Variants in DGKB observed in about 807,000 individuals in gnomAD.
DGKB encodes 90 kDa diacylglycerol kinase.
Under a neutral mutation model 114.3 loss-of-function variants are expected in DGKB, and 67 were observed. That is an observed-to-expected ratio of 0.59 (90% CI 0.48 to 0.72). DGKB has a LOEUF of 0.72. Among genes scored for constraint, DGKB ranks in the 30% least tolerant of loss-of-function variants. The pLI, the probability that DGKB is intolerant of heterozygous loss-of-function variation, is 0.00. For missense variants in DGKB, 907 were observed against 975.2 expected (o/e 0.93, Z 0.93); for synonymous variants, 398 against 323.1 (o/e 1.23, Z -2.49).
At chr7:14,365,939 C>A (rs1816602763) in intron 21 of DGKB, among the ~76,000 whole-genome samples, 1 of 152,018 alleles carries the variant, frequency 6.6e-6, no homozygotes, top group African/African-American at 2.4e-5. Context: ...CAGGTGTGAA[C>A]CGTCTGCCCT....
intron 20 of DGKB, among the ~76,000 whole-genome samples, chr7:14,546,568 G>T (rs1413601311): frequency 6.6e-6 from 1 of 152,078 alleles, no homozygotes; most frequent in Non-Finnish European, 1.5e-5. Context: ...GGTTTTTCTG[G>T]TGGAACTGGA....
At chr7:14,942,325 G>A (rs1480140952) in intron 1 of DGKB, among the ~76,000 whole-genome samples, 1 of 151,704 alleles carries the variant, frequency 6.6e-6, no homozygotes, top group Non-Finnish European at 1.5e-5. Flanking sequence ...TTCTCTTTTA[G>A]GCTGGTTTAA....
chr7:14,716,377 C>A (rs2128344146), intron 6 of DGKB, among the ~76,000 whole-genome samples: 1 of 152,312 alleles, frequency 6.6e-6, no homozygotes, highest in South Asian at 2.1e-4. Context: ...AATCAAATTT[C>A]TTTCTGCTTA....
At chr7:14,942,276 A>T (rs540896966) in intron 1 of DGKB, among the ~76,000 whole-genome samples, 3 of 152,114 alleles carry the variant, frequency 2.0e-5, no homozygotes, top group Non-Finnish European at 4.4e-5. Context: ...CCTTTTCAAA[A>T]GAAAAAGAGG....
chr7:14,679,486 A>G (rs1446790262), intron 12 of DGKB, among the ~76,000 whole-genome samples: 1 of 152,066 alleles, frequency 6.6e-6, no homozygotes, highest in African/African-American at 2.4e-5. Context: ...CAGTCAAATC[A>G]TTTCCAAAAG....
chr7:14,203,370 T>C (rs1054295508), intron 23 of DGKB, among the ~76,000 whole-genome samples: 1 of 152,118 alleles, frequency 6.6e-6, no homozygotes, highest in Admixed American at 6.6e-5. Flanking sequence ...ATATATATTT[T>C]GTTTTCTTCT....
At chr7:14,922,954 T>C (rs1300778991) in intron 1 of DGKB, among the ~76,000 whole-genome samples, 1 of 152,186 alleles carries the variant, frequency 6.6e-6, no homozygotes, top group East Asian at 1.9e-4. Flanking sequence ...CTAAAATATA[T>C]TCCTTCAGTC....
intron 1 of DGKB, among the ~76,000 whole-genome samples, chr7:14,969,053 G>C (rs963395561): frequency 1.2e-4 from 18 of 152,220 alleles, no homozygotes; most frequent in Middle Eastern, 3.4e-3. Flanking sequence ...TATGCTATTT[G>C]TAAAAGAGTT....
At chr7:14,756,272 C>A (rs1214208314) in intron 3 of DGKB, among the ~76,000 whole-genome samples, 1 of 151,902 alleles carries the variant, frequency 6.6e-6, no homozygotes, top group African/African-American at 2.4e-5. Flanking sequence ...TGTCTTATAG[C>A]AATTCAGTGC....
chr7:14,151,228 G>A (rs899476220), intron 25 of DGKB, among the ~76,000 whole-genome samples: 3 of 151,898 alleles, frequency 2.0e-5, no homozygotes, highest in Middle Eastern at 6.8e-3. Flanking sequence ...TGCTTTACAC[G>A]GTATAATAGC....
At chr7:14,386,466 T>A (rs1583564694) in intron 21 of DGKB, among the ~76,000 whole-genome samples, 1 of 152,288 alleles carries the variant, frequency 6.6e-6, no homozygotes, top group African/African-American at 2.4e-5. Flanking sequence ...TATGTATAAC[T>A]CCCTTCTAAT....
intron 13 of DGKB, among the ~76,000 whole-genome samples, chr7:14,653,540 G>T (rs1815085271): frequency 6.6e-6 from 1 of 151,940 alleles, no homozygotes; most frequent in Non-Finnish European, 1.5e-5. Context: ...AGCATCGGGA[G>T]ATATACCTAA....
intron 1 of DGKB, among the ~76,000 whole-genome samples, chr7:14,918,371 G>T (rs183898373): frequency 6.6e-6 from 1 of 152,154 alleles, no homozygotes; most frequent in Admixed American, 6.5e-5. Context: ...ACAAACAAAG[G>T]AAAAGCTTCC....
intron 21 of DGKB, among the ~76,000 whole-genome samples, chr7:14,435,199 C>T (rs10268451): frequency 0.027 from 4,076 of 152,156 alleles, 202 homozygotes; most frequent in African/African-American, 0.092. Flanking sequence ...AAGCATTGCT[C>T]TCACTTGTTT....
intron 23 of DGKB, among the ~76,000 whole-genome samples, chr7:14,291,929 C>G (rs186261857): frequency 2.1e-3 from 314 of 152,182 alleles, no homozygotes; most frequent in Non-Finnish European, 3.4e-3. Flanking sequence ...TCAGGAGTTT[C>G]AGATGGGGTA....
At chr7:14,875,202 T>C (rs1853091287) in intron 1 of DGKB, among the ~76,000 whole-genome samples, 1 of 152,146 alleles carries the variant, frequency 6.6e-6, no homozygotes, top group South Asian at 2.1e-4. Context: ...TAAATGATTA[T>C]GAAGAAATGA....
At chr7:14,304,085 A>ACTCTCTCTCT (rs1436692665) in intron 23 of DGKB, among the ~76,000 whole-genome samples, 1 of 28,484 alleles carries the variant, frequency 3.5e-5, no homozygotes, top group Non-Finnish European at 6.8e-5. Context: ...ACACACACAC[A>ACTCTCTCTCT]CACTCTCTCT....
At chr7:14,212,418 G>GTTTTGTGATTTTATTTACTCTCA (rs1562634336) in intron 23 of DGKB, among the ~76,000 whole-genome samples, 2 of 16,844 alleles carry the variant, frequency 1.2e-4, no homozygotes, top group East Asian at 2.0e-3. Context: ...TTTTACTCTC[G>GTTTTGTGATTTTATTTACTCTCA]TGTTTTGTGA....
In DGKB at chr7:14,667,582, T is replaced by C. The variant is rs1189101457; in HGVS notation, c.1134+5347A>G. ...TAAAGAGGAAACTGGTACTAAATAATAAAAACCAAAACAACATGATATATG... is the reference window on the plus strand; with the variant it reads ...TAAAGAGGAAACTGGTACTAAATAACAAAAACCAAAACAACATGATATATG... On this transcript the variant is annotated intron_variant, in intron 13 of 25. Coordinates refer to ENST00000402815, the MANE Select transcript of DGKB (RefSeq NM_001350709.2). 3.9e-5 allele frequency among the ~76,000 whole-genome samples: 6 copies of C among 151,922 alleles called. 1 individual carries two copies. The highest frequency in any genetic ancestry group is 9.7e-5 in the African/African-American group (4 of 41,410).
Sources: allele counts gnomAD v4.1 joint callset (sites outside exome capture counted in the v4.1 genomes callset), GRCh38; gene constraint gnomAD v4.1.1; transcripts MANE v1.5; gene names NCBI Gene and HGNC (gene_info 2026-07-23, HGNC 2026-07-21).